The following TEX11 variants were observed in gnomAD, a reference collection of about 807,000 sequenced individuals.
TEX11 encodes the protein testis expressed 11.
A neutral mutation model predicts 84.4 loss-of-function variants in TEX11; 7 were observed. The ratio of observed to expected loss-of-function variants is 0.08; its 90% CI spans 0.05 to 0.16. TEX11 has a LOEUF of 0.16. TEX11 is among the 10% of genes least tolerant of loss of function. The pLI, the probability that TEX11 is intolerant of heterozygous loss-of-function variation, is 1.00. For synonymous variants in TEX11, 264 were observed against 222.8 expected, an observed-to-expected ratio of 1.18 and a Z score of -1.64; for missense variants, 551 against 660.5, an observed-to-expected ratio of 0.83 and a Z score of 1.82.
At chrX:70,738,262 C>T (rs991441623) in intron 11 of TEX11, among the ~76,000 whole-genome samples, 11 of 111,326 alleles carry the variant, frequency 9.9e-5, no homozygotes, top group African/African-American at 3.6e-4. Context: ...AAGAAAAAAA[C>T]AAACAACCCC....
At chrX:70,777,047 A>ATT (rs1355495310) in intron 9 of TEX11, among the ~76,000 whole-genome samples, 1 of 102,843 alleles carries the variant, frequency 9.7e-6, no homozygotes. Context: ...TATTATTATT[A>ATT]TTTTTTTTTT....
intron 24 of TEX11, among the ~76,000 whole-genome samples, chrX:70,603,223 A>C (rs2089150737): frequency 1.1e-5 from 1 of 93,243 alleles, no homozygotes; most frequent in Non-Finnish European, 2.1e-5. Flanking sequence ...ATATGGAACC[A>C]AAAAGGAGCC....
chrX:70,667,422 T>C (rs2089985092), intron 16 of TEX11, among the ~76,000 whole-genome samples: 1 of 112,236 alleles, frequency 8.9e-6, no homozygotes, highest in African/African-American at 3.2e-5. Flanking sequence ...TTTTTATATA[T>C]TTTGTTCATT....
At chrX:70,682,208 A>C (rs2090152995) in intron 14 of TEX11, among the ~76,000 whole-genome samples, 1 of 111,628 alleles carries the variant, frequency 9.0e-6, no homozygotes, top group Non-Finnish European at 1.9e-5. Flanking sequence ...GAAAAACTCT[A>C]ATCTATTTCA....
Position 70,629,618 on chromosome X carries a change from G to A in TEX11, c.1601C>T (p.Ala534Val). 1 of 1,209,054 alleles carries A rather than the reference G, an allele frequency of 8.3e-7. No individual in the cohort carries two copies. Among genetic ancestry groups the A allele is most frequent in the Non-Finnish European group, 1.1e-6 (1 of 894,256 alleles). The change falls in exon 18 of 30, where the codon GCT becomes GTT. Residue 534 changes from alanine to valine, a missense_variant. Physicochemically the swap from Ala to Val is moderately conservative, Grantham distance 64. Coordinates refer to ENST00000374333, the MANE Select transcript of TEX11 (RefSeq NM_031276.3). The part of the protein sequence containing the change: ...TMLLSLAAQF[A>V]LENGQQIVAE... ...TGAATACATATGAATTACCTCTAGA[G>A]CAAACTGGGCAGCTAAACTTAGAAG...
intron 24 of TEX11, among the ~76,000 whole-genome samples, chrX:70,602,632 A>C (rs1276706035): frequency 7.4e-5 from 8 of 107,993 alleles, no homozygotes; most frequent in Middle Eastern, 4.9e-3. Context: ...TTCCCTTTGA[A>C]AACTGGCACA....
At chrX:70,639,823 A>G (rs1469204602) in intron 17 of TEX11, among the ~76,000 whole-genome samples, 1 of 111,473 alleles carries the variant, frequency 9.0e-6, no homozygotes, top group East Asian at 2.8e-4. Flanking sequence ...TGGGGAAAAA[A>G]CAGAACAGAA....
chrX:70,555,257 C>A (rs1236121710), intron 25 of TEX11, among the ~76,000 whole-genome samples: 4 of 111,888 alleles, frequency 3.6e-5, no homozygotes, highest in African/African-American at 1.3e-4. Flanking sequence ...AGGAGAGTTT[C>A]CAAACTGTTT....
intron 17 of TEX11, among the ~76,000 whole-genome samples, chrX:70,641,762 C>G (rs1286266535): frequency 9.1e-6 from 1 of 109,753 alleles, no homozygotes; most frequent in Non-Finnish European, 1.9e-5. Flanking sequence ...GGGACACATT[C>G]AAAGCAGTGT....
At chrX:70,878,168 C>CTTTTTT (rs34459152) in intron 3 of TEX11, among the ~76,000 whole-genome samples, 4 of 72,538 alleles carry the variant, frequency 5.5e-5, no homozygotes, top group African/African-American at 1.6e-4. Context: ...CTCTATCCCT[C>CTTTTTT]TTTTTTTTTT....
At chrX:70,845,643 C>T (rs2091475312) in intron 7 of TEX11, among the ~76,000 whole-genome samples, 1 of 110,101 alleles carries the variant, frequency 9.1e-6, no homozygotes, top group Non-Finnish European at 1.9e-5. Context: ...GCCTGGCCAA[C>T]ATGGCAAAAT....
intron 25 of TEX11, among the ~76,000 whole-genome samples, chrX:70,580,186 G>A (rs1468533946): frequency 8.9e-6 from 1 of 112,270 alleles, no homozygotes; most frequent in Non-Finnish European, 1.9e-5. Flanking sequence ...ATTATGTTAA[G>A]TGAAATAAGC....
At chrX:70,858,101 C>T (rs903999086) in intron 5 of TEX11, among the ~76,000 whole-genome samples, 1 of 108,596 alleles carries the variant, frequency 9.2e-6, no homozygotes, top group African/African-American at 3.3e-5. Context: ...AAATACGATG[C>T]CTTGTATACT....
At chrX:70,579,019 G>T (rs1174162492) in intron 25 of TEX11, among the ~76,000 whole-genome samples, 1 of 108,353 alleles carries the variant, frequency 9.2e-6, no homozygotes, top group Non-Finnish European at 1.9e-5. Context: ...TGATCCACCC[G>T]CCTTGGCCTC....
chrX:70,842,715 T>C (rs2091454120), intron 7 of TEX11, among the ~76,000 whole-genome samples: 1 of 111,651 alleles, frequency 9.0e-6, no homozygotes, highest in African/African-American at 3.3e-5. Flanking sequence ...GATGACATGA[T>C]TGTACATCTA....
intron 9 of TEX11, among the ~76,000 whole-genome samples, chrX:70,761,969 T>C (rs780045593): frequency 9.0e-6 from 1 of 111,729 alleles, no homozygotes; most frequent in African/African-American, 3.2e-5. Context: ...GACTTTTCAA[T>C]GGAAACCTTA....
intron 16 of TEX11, among the ~76,000 whole-genome samples, chrX:70,669,465 A>G (rs1350935135): frequency 8.9e-6 from 1 of 112,503 alleles, no homozygotes; most frequent in Non-Finnish European, 1.9e-5. Flanking sequence ...GTAGGTAACT[A>G]TTTTCTGAAA....
chrX:70,682,853 A>G (rs763623388), intron 13 of TEX11, 28 bp from the exon 14 acceptor site: 6 of 1,191,099 alleles, frequency 5.0e-6, no homozygotes, highest in Admixed American at 4.6e-5. Flanking sequence ...ATTTTAAGCA[A>G]TGCGAACAGA....
rs147560059 is a variant in TEX11 at position 70,856,133 on chromosome X, A to G, written c.325-2805T>C. Among the ~76,000 whole-genome samples, 11 of 111,983 alleles carry G rather than the reference A, an allele frequency of 9.8e-5. No individual in the cohort carries two copies. In the East Asian group the frequency reaches 2.8e-3, roughly 28 times the overall value. ...CATTGCAGCATCCAAATGTCCATCA[A>G]GGGAGGCTGGTTGAACATAATAAGG... On this transcript the variant is annotated intron_variant, in intron 5 of 29. Transcript: ENST00000374333.
Sources: gnomAD v4.1 joint callset for allele counts (sites outside exome capture counted in the v4.1 genomes callset) on GRCh38, gnomAD v4.1.1 for gene constraint, MANE v1.5 for transcripts, NCBI Gene and HGNC (gene_info 2026-07-23, HGNC 2026-07-21) for gene names.